Variants in PHACTR3 observed in about 807,000 individuals in gnomAD.
PHACTR3 encodes phosphatase and actin regulator 3, also known as protein phosphatase 1, regulatory subunit 123.
In PHACTR3, 16 loss-of-function variants were observed where a neutral mutation model predicts 66.8. The ratio of observed to expected loss-of-function variants is 0.24; its 90% CI spans 0.16 to 0.36. The LOEUF is 0.36. Among genes scored for constraint, PHACTR3 ranks in the 10% least tolerant of loss-of-function variants. PHACTR3 has a pLI of 1.00. For missense variants in PHACTR3, 647 were observed against 719.9 expected (o/e 0.90, Z 1.16); for synonymous variants, 323 against 292.1 (o/e 1.11, Z -1.08).
At chr20:59,786,307 C>T (rs184843627) in intron 7 of PHACTR3, among the ~76,000 whole-genome samples, 9 of 152,346 alleles carry the variant, frequency 5.9e-5, no homozygotes, top group Admixed American at 2.6e-4. Context: ...GCTGGAGGTT[C>T]AATTTCCCTT....
chr20:59,619,128 A>G (rs2034142941), intron 1 of PHACTR3, among the ~76,000 whole-genome samples: 1 of 152,142 alleles, frequency 6.6e-6, no homozygotes. Context: ...TCCATGACCC[A>G]TATCCTGTAT....
intron 1 of PHACTR3, among the ~76,000 whole-genome samples, chr20:59,728,185 C>G (rs947967941): frequency 1.3e-5 from 2 of 152,118 alleles, no homozygotes. Flanking sequence ...TCCCACATCC[C>G]GCGGCAGCCA....
intron 1 of PHACTR3, among the ~76,000 whole-genome samples, chr20:59,674,660 C>T (rs1358375844): frequency 1.0e-5 from 1 of 96,038 alleles, no homozygotes; most frequent in African/African-American, 4.5e-5. Flanking sequence ...TTCTCCTGTT[C>T]CCCACTTCTC....
intron 1 of PHACTR3, among the ~76,000 whole-genome samples, chr20:59,598,610 G>A (rs189127654): frequency 1.3e-5 from 2 of 152,324 alleles, no homozygotes; most frequent in East Asian, 3.9e-4. Context: ...TCAGGGATTT[G>A]GTTCTGGAAG....
intron 1 of PHACTR3, among the ~76,000 whole-genome samples, chr20:59,640,111 C>A (rs2035050887): frequency 6.6e-6 from 1 of 152,220 alleles, no homozygotes; most frequent in East Asian, 1.9e-4. Context: ...GATCTGGATT[C>A]AGACCTACTT....
chr20:59,775,168 GAGA>G (rs34643705), intron 7 of PHACTR3, among the ~76,000 whole-genome samples: 92,640 of 151,658 alleles, frequency 0.61, 30,075 homozygotes, highest in Non-Finnish European at 0.71. Flanking sequence ...GTGATGAAGG[GAGA>G]AGGAGGCTCA....
At chr20:59,831,628 C>T (rs1020979832) in intron 8 of PHACTR3, among the ~76,000 whole-genome samples, 2 of 152,272 alleles carry the variant, frequency 1.3e-5, no homozygotes, top group East Asian at 1.9e-4. Context: ...CCACCTACCC[C>T]GCCCCACCCC....
chr20:59,636,569 G>A (rs534919045), intron 1 of PHACTR3, among the ~76,000 whole-genome samples: 53 of 152,240 alleles, frequency 3.5e-4, no homozygotes, highest in African/African-American at 9.6e-4. Flanking sequence ...GGTCTGGATC[G>A]GGGCTCTGCT....
At chr20:59,730,087 T>C (rs1461259936) in intron 1 of PHACTR3, among the ~76,000 whole-genome samples, 1 of 152,176 alleles carries the variant, frequency 6.6e-6, no homozygotes, top group African/African-American at 2.4e-5. Flanking sequence ...TAGGCCCTCC[T>C]GAGCTCTGTT....
chr20:59,810,577 C>T (rs1568844634), intron 8 of PHACTR3, among the ~76,000 whole-genome samples: 1 of 152,252 alleles, frequency 6.6e-6, no homozygotes, highest in South Asian at 2.1e-4. Context: ...GTTGCCATGG[C>T]AACGTGCCAT....
rs750625831 is a variant in PHACTR3, at chr20:59,767,224, G to C, written c.580G>C (p.Ala194Pro). The change falls in exon 5 of 13, where the codon GCT becomes CCT. Residue 194 changes from alanine (A) to proline (P), a missense_variant. Physicochemically the swap from Ala to Pro is conservative, Grantham distance 27. Coordinates refer to ENST00000371015, the MANE Select transcript of PHACTR3 (RefSeq NM_080672.5). ...PSASSGEEADAGSLLPTTNEL... is the reference protein window; with the variant it reads ...PSASSGEEADPGSLLPTTNEL... ...TGCATCCAGTGGTGAAGAAGCAGAC[G>C]CTGGCAGCCTCCTGCCCACCACCAA... 6.2e-7 allele frequency: 1 copy of C among 1,614,110 alleles called. No homozygotes were observed. The highest frequency in any genetic ancestry group is 1.3e-5 in the African/African-American group (1 of 74,936).
At chr20:59,740,186 A>G (rs946285835) in intron 1 of PHACTR3, among the ~76,000 whole-genome samples, 6 of 152,210 alleles carry the variant, frequency 3.9e-5, no homozygotes, top group African/African-American at 1.4e-4. Flanking sequence ...CTGGCATGGT[A>G]TGTTAATCAG....
intron 9 of PHACTR3, among the ~76,000 whole-genome samples, chr20:59,840,133 G>A (rs182155624): frequency 2.5e-4 from 38 of 152,286 alleles, no homozygotes; most frequent in South Asian, 6.2e-4. Flanking sequence ...GAAGGGCTGA[G>A]GAGACCAGGT....
chr20:59,595,687 G>T (rs1782982031), intron 1 of PHACTR3, among the ~76,000 whole-genome samples: 1 of 152,128 alleles, frequency 6.6e-6, no homozygotes, highest in South Asian at 2.1e-4. Context: ...GGGTATTGCG[G>T]TCACCAACTT....
At chr20:59,765,150 T>A (rs772950162) in intron 4 of PHACTR3, among the ~76,000 whole-genome samples, 1 of 152,230 alleles carries the variant, frequency 6.6e-6, no homozygotes, top group Non-Finnish European at 1.5e-5. Context: ...TACTTTGATG[T>A]TGTTATCAGG....
chr20:59,587,614 G>A (rs1006686450), intron 1 of PHACTR3, among the ~76,000 whole-genome samples: 3 of 152,232 alleles, frequency 2.0e-5, no homozygotes, highest in Non-Finnish European at 4.4e-5. Flanking sequence ...TCTCAGCAGC[G>A]CTGTGCTGTT....
chr20:59,660,251 T>G (rs910755411), intron 1 of PHACTR3, among the ~76,000 whole-genome samples: 3 of 152,114 alleles, frequency 2.0e-5, no homozygotes, highest in African/African-American at 7.2e-5. Context: ...TCCCAGCACT[T>G]TGGGAGGCTG....
At chr20:59,773,482 G>A (rs746773880) in intron 6 of PHACTR3, 29 bp downstream of exon 6, 7 of 1,564,730 alleles carry the variant, frequency 4.5e-6, no homozygotes, top group Non-Finnish European at 6.0e-6. Flanking sequence ...AGGGAGACCT[G>A]TGCTGCCAGA....
chr20:59,614,574 G>A lies in PHACTR3; in HGVS notation c.118+9442G>A, dbSNP rs188819090. On this transcript the variant is annotated intron_variant, in intron 1 of 12. Coordinates refer to ENST00000371015, the MANE Select transcript of PHACTR3 (RefSeq NM_080672.5). ...ACGAAATGGATCAGCCCTGCACTGA[G>A]AAGACGGGAGCTGTGGCTATACGAC... 1.1e-4 allele frequency among the ~76,000 whole-genome samples: 16 copies of A among 152,306 alleles called. No individual in the cohort carries two copies. The East Asian group carries it at 2.7e-3, about 26-fold the overall frequency.
Sources: gnomAD v4.1 joint callset for allele counts (sites outside exome capture counted in the v4.1 genomes callset) on GRCh38, gnomAD v4.1.1 for gene constraint, MANE v1.5 for transcripts, NCBI Gene and HGNC (gene_info 2026-07-23, HGNC 2026-07-21) for gene names.